The following CALB1 variants were observed in gnomAD, a reference collection of about 807,000 sequenced individuals.
CALB1 encodes calbindin 1, also known as calbindin.
A neutral mutation model predicts 46.7 loss-of-function variants in CALB1; 16 were observed. The ratio of observed to expected loss-of-function variants is 0.34; its 90% CI spans 0.23 to 0.52. The LOEUF is 0.52. Among genes scored for constraint, CALB1 ranks in the 20% least tolerant of loss-of-function variants. CALB1 has a pLI of 0.95. For missense variants in CALB1, 224 were observed against 300.3 expected (o/e 0.75, Z 1.88); for synonymous variants, 90 against 112.8 (o/e 0.80, Z 1.28).
intron 3 of CALB1, 75 bp from the exon 4 acceptor site, chr8:90,069,312 A>C: frequency 8.9e-7 from 1 of 1,121,250 alleles, no homozygotes; most frequent in Non-Finnish European, 1.4e-6. Context: ...CCTGCTGCTT[A>C]GTTTTTCTTC....
At chr8:90,065,789 TG>T in intron 6 of CALB1, 108 bp downstream of exon 6, 1 of 702,370 alleles carries the variant, frequency 1.4e-6, no homozygotes, top group South Asian at 1.6e-5. Context: ...GTGCATATGA[TG>T]CCCACACCAC....
At chr8:90,066,087 G>A in intron 5 of CALB1, 112 bp from the exon 6 acceptor site, 1 of 724,976 alleles carries the variant, frequency 1.4e-6, no homozygotes, top group Non-Finnish European at 2.4e-6. Flanking sequence ...GTCTCCTTTT[G>A]AGGGGTAGAA....
At chr8:90,063,615 T>G in intron 6 of CALB1, 154 bp from the exon 7 acceptor site, 1 of 625,462 alleles carries the variant, frequency 1.6e-6, no homozygotes, top group South Asian at 2.1e-5. Flanking sequence ...TCAATGCAAA[T>G]TTTCAATTCT....
chr8:90,071,209 G>A (rs1814509458), intron 3 of CALB1, among the ~76,000 whole-genome samples: 1 of 152,124 alleles, frequency 6.6e-6, no homozygotes, highest in Non-Finnish European at 1.5e-5. Context: ...TTTTACACGT[G>A]ACAATGAGAT....
intron 5 of CALB1, among the ~76,000 whole-genome samples, chr8:90,066,751 G>C (rs1211552944): frequency 6.6e-6 from 1 of 152,044 alleles, no homozygotes; most frequent in African/African-American, 2.4e-5. Context: ...ACAAAGATTT[G>C]CCATATAAGT....
At chr8:90,082,290 G>A (rs1814747145) in intron 1 of CALB1, 188 bp from the exon 2 acceptor site, 1 of 613,676 alleles carries the variant, frequency 1.6e-6, no homozygotes, top group Non-Finnish European at 2.9e-6. Context: ...GATCCACTGA[G>A]GACAAAGGAG....
chr8:90,077,635 A>G (rs1049025059), intron 3 of CALB1, among the ~76,000 whole-genome samples: 1 of 152,094 alleles, frequency 6.6e-6, no homozygotes, highest in African/African-American at 2.4e-5. Context: ...AAGGGAAGCA[A>G]CAGCTCTTTC....
At chr8:90,069,097 A>C in intron 4 of CALB1, 43 bp from the exon 5 acceptor site, 1 of 1,610,588 alleles carries the variant, frequency 6.2e-7, no homozygotes, top group Non-Finnish European at 8.5e-7. Flanking sequence ...CATTTTTAAT[A>C]AAAGGAACAA....
chr8:90,080,464 A>T (rs998119990), intron 2 of CALB1, among the ~76,000 whole-genome samples: 3 of 151,996 alleles, frequency 2.0e-5, no homozygotes, highest in East Asian at 1.9e-4. Context: ...GGAAAGTAAG[A>T]CTTTTCCAAC....
At chr8:90,064,759 A>G (rs1050133274) in intron 6 of CALB1, among the ~76,000 whole-genome samples, 1 of 151,868 alleles carries the variant, frequency 6.6e-6, no homozygotes, top group Non-Finnish European at 1.5e-5. Flanking sequence ...GTGGAGATGT[A>G]ATGAGGAATT....
chr8:90,069,102 GA>G (rs1814452977), intron 4 of CALB1, 48 bp from the exon 5 acceptor site: 1 of 1,608,790 alleles, frequency 6.2e-7, no homozygotes, highest in Non-Finnish European at 8.5e-7. Flanking sequence ...TTAATAAAAG[GA>G]ACAATTTTCC....
At chr8:90,071,069 C>G (rs3026300) in intron 3 of CALB1, among the ~76,000 whole-genome samples, 2,273 of 152,178 alleles carry the variant, frequency 0.015, 55 homozygotes, top group African/African-American at 0.052. Flanking sequence ...TGATGATTGG[C>G]AGACTGAAAA....
At chr8:90,069,868 G>C (rs1347768293) in intron 3 of CALB1, among the ~76,000 whole-genome samples, 1 of 152,120 alleles carries the variant, frequency 6.6e-6, no homozygotes, top group Admixed American at 6.5e-5. Context: ...CTGCTGAAAG[G>C]ACATCCACTG....
intron 3 of CALB1, among the ~76,000 whole-genome samples, chr8:90,076,570 A>C (rs1814626749): frequency 6.6e-6 from 1 of 151,998 alleles, no homozygotes; most frequent in Non-Finnish European, 1.5e-5. Context: ...TTTTGTTGCT[A>C]TAAAAGCTTC....
At chr8:90,061,706 CAG>C (rs1446368017) in intron 9 of CALB1, 2 of 152,024 alleles carry the variant, frequency 1.3e-5, no homozygotes, top group African/African-American at 4.8e-5. Context: ...AAGAAGTTAA[CAG>C]AGACACAAAC....
chr8:90,081,983 G>A lies in CALB1; in HGVS notation c.156+43C>T, dbSNP rs141614159. Reference sequence around the variant, plus strand: ...GAAAACACAAGAATGTTTTAATTTGGGGGTTAAAAGTCTTTTTTTCTTTTT... The same window carrying A: ...GAAAACACAAGAATGTTTTAATTTGAGGGTTAAAAGTCTTTTTTTCTTTTT... On this transcript the variant is annotated intron_variant, in intron 2 of 10. Coordinates refer to ENST00000265431, the MANE Select transcript of CALB1 (RefSeq NM_004929.4). 4 of 1,508,928 alleles carry A rather than the reference G, an allele frequency of 2.7e-6. No individual in the cohort carries two copies. The African/African-American group carries it at 5.6e-5, about 21-fold the overall frequency. 93.5% of individuals were successfully genotyped at this position (1,508,928 alleles called of 1,614,324 possible).
chr8:90,082,498 A>G, intron 1 of CALB1, 121 bp downstream of exon 1: 1 of 811,306 alleles, frequency 1.2e-6, no homozygotes, highest in Non-Finnish European at 2.1e-6. Flanking sequence ...ATTAGGCAGA[A>G]GGGGGAAGAA....
intron 2 of CALB1, among the ~76,000 whole-genome samples, chr8:90,079,822 T>A (rs1231560536): frequency 6.6e-6 from 1 of 152,004 alleles, no homozygotes; most frequent in African/African-American, 2.4e-5. Context: ...ATTCACCTAG[T>A]GAAAATTTTG....
chr8:90,070,066 T>C (rs911786404), intron 3 of CALB1, among the ~76,000 whole-genome samples: 1 of 151,936 alleles, frequency 6.6e-6, no homozygotes, highest in African/African-American at 2.4e-5. Flanking sequence ...GATTGATGGC[T>C]CCACTACAGA....
Sources: allele counts gnomAD v4.1 joint callset (sites outside exome capture counted in the v4.1 genomes callset), GRCh38; gene constraint gnomAD v4.1.1; transcripts MANE v1.5; gene names NCBI Gene and HGNC (gene_info 2026-07-23, HGNC 2026-07-21).